NRCAM: variants seen among roughly 807,000 people sequenced by gnomAD.
NRCAM encodes the protein NgCAM-related cell adhesion molecule.
Under a neutral mutation model 156.5 loss-of-function variants are expected in NRCAM, and 83 were observed. The ratio of observed to expected loss-of-function variants is 0.53; its 90% confidence interval spans 0.44 to 0.64. The LOEUF is 0.64. Among genes scored for constraint, NRCAM ranks in the 30% least tolerant of loss-of-function variants. The probability of loss-of-function intolerance (pLI) is 0.00; values close to 1 mark genes in which losing one functional copy is unlikely to be tolerated. For synonymous variants in NRCAM, 538 were observed against 563.9 expected (o/e 0.95, Z 0.65); for missense variants, 1,417 against 1,597.3 (o/e 0.89, Z 1.92).
At chr7:108,251,450 G>A (rs1358800159) in intron 3 of NRCAM, among the ~76,000 whole-genome samples, 2 of 152,166 alleles carry the variant, frequency 1.3e-5, no homozygotes, top group African/African-American at 4.8e-5. Context: ...GGTGTCTCAG[G>A]TCTGCCTTCC....
chr7:108,227,292 C>T (rs1278404351), intron 8 of NRCAM, among the ~76,000 whole-genome samples: 1 of 152,204 alleles, frequency 6.6e-6, no homozygotes, highest in Non-Finnish European at 1.5e-5. Context: ...AGTTAAGGAA[C>T]TATCTTGCCT....
At chr7:108,257,008 AAAAAAAAAAAAG>A (rs1469224766) in intron 3 of NRCAM, among the ~76,000 whole-genome samples, 5 of 146,288 alleles carry the variant, frequency 3.4e-5, no homozygotes, top group Admixed American at 6.7e-5. Flanking sequence ...GACTGTCGAA[AAAAAAAAAAAAG>A]AAAAAGAAAA....
In NRCAM at chr7:108,372,307, G is replaced by A. The variant is rs536126028; in HGVS notation, c.-174+27129C>T. 6.8e-4 allele frequency among the ~76,000 whole-genome samples: 104 copies of A among 152,074 alleles called. 1 individual carries two copies. Among genetic ancestry groups the A allele is most frequent in the Non-Finnish European group, 3.5e-4 (24 of 67,976 alleles). ...TGCATGACATTGATTTCATGAATGT[G>A]ACACCAAAAGCACCAGCAACCAAAA... On this transcript the variant is annotated intron_variant, in intron 2 of 32. Transcript: ENST00000379028.
rs189241640 is a variant in NRCAM, at chr7:108,269,422, G to A, written c.-106-29252C>T. ...TGTACAAATATAGTGAGTTTGTTTG[G>A]TGACTGTCTCTTTTCCCTCTAGATG... On this transcript the variant is annotated intron_variant, in intron 3 of 32. Transcript: ENST00000379028. Among the ~76,000 whole-genome samples the A allele has an allele frequency of 9.1e-4, 139 of 152,212 alleles. 1 individual carries two copies. Among genetic ancestry groups the A allele is most frequent in the African/African-American group, 3.3e-3 (135 of 41,530 alleles).
intron 2 of NRCAM, among the ~76,000 whole-genome samples, chr7:108,351,526 T>C (rs1397975833): frequency 2.0e-5 from 3 of 152,212 alleles, no homozygotes; most frequent in Admixed American, 2.0e-4. Flanking sequence ...ATTGGACTGA[T>C]TGGATCAGGG....
Position 108,298,964 on chromosome 7 carries a change from C to T in NRCAM, c.-107+13701G>A, listed in dbSNP as rs550680219. Among the ~76,000 whole-genome samples the T allele has an allele frequency of 2.5e-3, 374 of 148,170 alleles. 2 individuals are homozygous for T. Among genetic ancestry groups the T allele is most frequent in the African/African-American group, 8.8e-3 (354 of 40,392 alleles). On this transcript the variant is annotated intron_variant, in intron 3 of 32. Transcript: ENST00000379028. ...CTACTAAAAATACAAAAATTAGCTG[C>T]GCCTGGTGGTGCATGTCTGTAATCC...
At chr7:108,233,622 C>T (rs937610193) in intron 6 of NRCAM, among the ~76,000 whole-genome samples, 4 of 152,184 alleles carry the variant, frequency 2.6e-5, no homozygotes, top group African/African-American at 7.2e-5. Flanking sequence ...TTAACATAGC[C>T]GAATATATTA....
intron 14 of NRCAM, among the ~76,000 whole-genome samples, chr7:108,197,731 G>C (rs1011885115): frequency 6.6e-6 from 1 of 152,146 alleles, no homozygotes; most frequent in African/African-American, 2.4e-5. Flanking sequence ...CAGCTTATTT[G>C]ACTAGTTCTA....
Position 108,148,068 on chromosome 7 carries a change from A to AATT in NRCAM, c.*1839_*1841dup, listed in dbSNP as rs1251275262. 1 of 152,652 alleles carries AATT rather than the reference A, an allele frequency of 6.6e-6. No individual in the cohort carries two copies. The highest frequency in any genetic ancestry group is 2.4e-5 in the African/African-American group (1 of 41,456). The allele number at this position is 152,652 out of a possible 1,614,324, so 9.5% of individuals were successfully genotyped here. A position where few individuals can be genotyped will look rare whatever the true frequency, so the allele number is the denominator to read the frequency against. On this transcript the variant is annotated 3_prime_UTR_variant, in exon 33 of 33. Transcript: ENST00000379028. ...GCCATCTTTACCTGGGATTACTTTA[A>AATT]ATTATGCTTTACCTACATATATCAA...
intron 11 of NRCAM, among the ~76,000 whole-genome samples, chr7:108,214,475 G>A (rs1273824035): frequency 1.6e-5 from 2 of 126,050 alleles, no homozygotes; most frequent in African/African-American, 6.1e-5. Context: ...ATTTTTTATT[G>A]TGTCTATTTG....
chr7:108,423,015 C>A (rs954095738), intron 1 of NRCAM, among the ~76,000 whole-genome samples: 3 of 151,954 alleles, frequency 2.0e-5, no homozygotes, highest in African/African-American at 4.8e-5. Context: ...CCAGGGAAAC[C>A]TAGGCAGGAT....
intron 3 of NRCAM, among the ~76,000 whole-genome samples, chr7:108,249,954 G>A (rs1186807826): frequency 1.3e-5 from 2 of 152,116 alleles, no homozygotes; most frequent in Admixed American, 6.6e-5. Flanking sequence ...CCACTGCTCA[G>A]TATATACCCA....
At chr7:108,281,653 G>A (rs2097861822) in intron 3 of NRCAM, among the ~76,000 whole-genome samples, 1 of 152,264 alleles carries the variant, frequency 6.6e-6, no homozygotes, top group African/African-American at 2.4e-5. Context: ...TAAAGCCCCA[G>A]TGGCAGTTGG....
chr7:108,421,298 A>G (rs549965659), intron 1 of NRCAM, among the ~76,000 whole-genome samples: 7 of 152,320 alleles, frequency 4.6e-5, no homozygotes, highest in Middle Eastern at 3.4e-3. Flanking sequence ...TATTTTAGCT[A>G]ATTTGCAAAA....
At chr7:108,438,031 TAAA>T (rs572478339) in intron 1 of NRCAM, among the ~76,000 whole-genome samples, 2 of 138,652 alleles carry the variant, frequency 1.4e-5, no homozygotes, top group South Asian at 2.3e-4. Context: ...CTATAAGAAG[TAAA>T]AAAAAAAAAA....
chr7:108,257,616 A>G (rs2096734317), intron 3 of NRCAM, among the ~76,000 whole-genome samples: 1 of 151,248 alleles, frequency 6.6e-6, no homozygotes, highest in Non-Finnish European at 1.5e-5. Flanking sequence ...AGCCTACTCT[A>G]ATGAAAATAA....
At chr7:108,237,399 C>G (rs2095158301) in intron 5 of NRCAM, among the ~76,000 whole-genome samples, 1 of 152,154 alleles carries the variant, frequency 6.6e-6, no homozygotes, top group Non-Finnish European at 1.5e-5. Context: ...ACAAAAAGAC[C>G]TATCTTTGTT....
intron 11 of NRCAM, among the ~76,000 whole-genome samples, chr7:108,222,005 T>C (rs1018734567): frequency 1.3e-5 from 2 of 151,510 alleles, no homozygotes; most frequent in Non-Finnish European, 2.9e-5. Flanking sequence ...GCTTGTTTGG[T>C]TAAGTAAGAA....
chr7:108,189,526 C>G, intron 20 of NRCAM, 119 bp downstream of exon 20: 1 of 638,034 alleles, frequency 1.6e-6, no homozygotes, highest in Non-Finnish European at 2.8e-6. Flanking sequence ...TTTATTCTAT[C>G]AGTAATGAAG....
Sources: gnomAD v4.1 joint callset for allele counts (sites outside exome capture counted in the v4.1 genomes callset) on GRCh38, gnomAD v4.1.1 for gene constraint, MANE v1.5 for transcripts, NCBI Gene and HGNC (gene_info 2026-07-23, HGNC 2026-07-21) for gene names.